The following HERC4 variants were observed in gnomAD, a reference collection of about 807,000 sequenced individuals.
HERC4 encodes the protein HECT and RLD domain containing E3 ubiquitin protein ligase 4, also known as probable E3 ubiquitin-protein ligase HERC4.
HERC4 carries 28 observed loss-of-function variants against 124.3 expected under a neutral mutation model. That is an observed-to-expected ratio of 0.23 (90% CI 0.17 to 0.31). The LOEUF is 0.31. Among genes scored for constraint, HERC4 ranks in the 10% least tolerant of loss-of-function variants. The pLI is 1.00. For synonymous variants in HERC4, 407 were observed against 421.5 expected (o/e 0.97, Z 0.42); for missense variants, 713 against 1,229.3 (o/e 0.58, Z 6.28).
At position 68,072,964 on chromosome 10, in the gene HERC4, C is replaced by G. The variant is rs142422115; in HGVS notation, c.145G>C (p.Val49Leu). ...VGCGLRHTVF[V>L]LDDGTVYTCG... ...GTGTACACTGTTCCATCATCCAGAA[C>G]AAACACAGTATGTCTGAGTCCACAT... The change falls in exon 3 of 25, where the codon GTT becomes CTT. Residue 49 changes from valine to leucine, a missense_variant. By Grantham distance (32) the Val-to-Leu change is conservative. Coordinates refer to ENST00000373700, the MANE Select transcript of HERC4 (RefSeq NM_015601.4). 6.2e-7 allele frequency: 1 copy of G among 1,614,050 alleles called. No individual in the cohort carries two copies. Among genetic ancestry groups the G allele is most frequent in the East Asian group, 2.2e-5 (1 of 44,866 alleles).
At chr10:67,993,422 G>A (rs888654324) in intron 9 of HERC4, 1 of 151,838 alleles carries the variant, frequency 6.6e-6, no homozygotes. Context: ...GGGAGAGTGA[G>A]GCAGGAGGAT....
At chr10:68,059,242 T>C (rs796884826) in intron 3 of HERC4, among the ~76,000 whole-genome samples, 11 of 151,680 alleles carry the variant, frequency 7.3e-5, no homozygotes, top group African/African-American at 2.7e-4. Flanking sequence ...CATTTGACAT[T>C]TTCATTGAGA....
intron 15 of HERC4, among the ~76,000 whole-genome samples, chr10:67,974,799 T>A (rs2035483113): frequency 6.6e-6 from 1 of 152,182 alleles, no homozygotes; most frequent in Admixed American, 6.5e-5. Flanking sequence ...TTACCCTGCC[T>A]CATTCCATGG....
At chr10:67,954,145 A>G (rs1174569062) in intron 19 of HERC4, 1 of 152,514 alleles carries the variant, frequency 6.6e-6, no homozygotes, top group African/African-American at 2.4e-5. Flanking sequence ...CTGCTATTGT[A>G]GCATGAAAGT....
chr10:68,017,958 A>C (rs1293343394), intron 8 of HERC4, among the ~76,000 whole-genome samples: 1 of 152,254 alleles, frequency 6.6e-6, no homozygotes, highest in Non-Finnish European at 1.5e-5. Flanking sequence ...GGTTTTAATG[A>C]CAAGTTGTGC....
At chr10:67,960,257 T>C (rs1295548856) in intron 16 of HERC4, among the ~76,000 whole-genome samples, 1 of 152,242 alleles carries the variant, frequency 6.6e-6, no homozygotes, top group African/African-American at 2.4e-5. Context: ...AATTCATCCA[T>C]GACTCTACAT....
chr10:68,019,401 G>C (rs1226720734), intron 8 of HERC4, among the ~76,000 whole-genome samples: 4 of 152,030 alleles, frequency 2.6e-5, no homozygotes, highest in Admixed American at 6.6e-5. Context: ...ACAGGGGCAG[G>C]CATATAGATT....
intron 6 of HERC4, 99 bp downstream of exon 6, chr10:68,033,866 G>T: frequency 1.1e-6 from 1 of 948,826 alleles, no homozygotes; most frequent in Non-Finnish European, 1.6e-6. Context: ...TCTATACCAG[G>T]GAAGATACAT....
At chr10:67,999,114 T>C (rs1467731125) in intron 9 of HERC4, among the ~76,000 whole-genome samples, 6 of 152,220 alleles carry the variant, frequency 3.9e-5, no homozygotes, top group Non-Finnish European at 8.8e-5. Flanking sequence ...TTGATATTCT[T>C]GTGTATACCT....
chr10:68,066,925 T>C (rs1243782123), intron 3 of HERC4, among the ~76,000 whole-genome samples: 7 of 152,218 alleles, frequency 4.6e-5, no homozygotes, highest in African/African-American at 1.7e-4. Context: ...AAACAATCTG[T>C]GCACTAGTAT....
chr10:67,971,973 GGA>G (rs1218347869), intron 15 of HERC4, among the ~76,000 whole-genome samples: 1 of 152,078 alleles, frequency 6.6e-6, no homozygotes, highest in East Asian at 1.9e-4. Context: ...CAGCACTTTG[GGA>G]GGCTGAGGCA....
At chr10:67,946,521 T>C (rs1045156064) in intron 19 of HERC4, among the ~76,000 whole-genome samples, 3 of 151,928 alleles carry the variant, frequency 2.0e-5, no homozygotes, top group African/African-American at 7.3e-5. Flanking sequence ...TACAAGGTAT[T>C]AGACAAAACA....
At position 68,008,271 on chromosome 10, in the gene HERC4, C is replaced by T. The variant is rs184683587; in HGVS notation, c.1069+5755G>A. On this transcript the variant is annotated intron_variant, in intron 9 of 24. Coordinates refer to ENST00000373700, the MANE Select transcript of HERC4 (RefSeq NM_015601.4). ...TCACACCTGACAGTACTGGGTCTCACCCAAAGCATGTAGAGACTAATTCCT... is the reference window on the plus strand; with the variant it reads ...TCACACCTGACAGTACTGGGTCTCATCCAAAGCATGTAGAGACTAATTCCT... 5.3e-5 allele frequency among the ~76,000 whole-genome samples: 8 copies of T among 152,312 alleles called. No homozygotes were observed. The East Asian group carries it at 1.5e-3, about 29-fold the overall frequency.
At chr10:67,956,212 CA>C (rs2034135198) in intron 17 of HERC4, 2 of 152,248 alleles carry the variant, frequency 1.3e-5, no homozygotes, top group South Asian at 4.1e-4. Context: ...CCAGAGGAAG[CA>C]GCTCAAAATC....
At chr10:68,032,757 G>T in intron 7 of HERC4, 21 bp downstream of exon 7, 1 of 1,200,552 alleles carries the variant, frequency 8.3e-7, no homozygotes. Flanking sequence ...TAATAATAAA[G>T]AAGTTTTAGA....
chr10:68,018,900 C>CTTT (rs34948748), intron 8 of HERC4, among the ~76,000 whole-genome samples: 72 of 93,128 alleles, frequency 7.7e-4, no homozygotes, highest in East Asian at 2.3e-3. Context: ...CCCCACAAGG[C>CTTT]TTTTTTTTTT....
rs577542442 is a variant in HERC4, at chr10:67,960,993, G to A, written c.1927-4017C>T. The A allele has an allele frequency of 5.0e-4, 178 of 356,332 alleles. 1 individual carries two copies. The highest frequency in any genetic ancestry group is 3.8e-3 in the African/African-American group (172 of 44,880). The allele number at this position is 356,332 out of a possible 1,614,324, so 22.1% of individuals were successfully genotyped here. On this transcript the variant is annotated intron_variant, in intron 16 of 24. Coordinates refer to ENST00000373700, the MANE Select transcript of HERC4 (RefSeq NM_015601.4). ...TTCATCACTTTCTTGCGGATTTGGC[G>A]GACCTGTTGGTGCTGAGAGTAAGAG...
chr10:67,975,901 T>C (rs1296820468), intron 15 of HERC4, among the ~76,000 whole-genome samples: 1 of 152,166 alleles, frequency 6.6e-6, no homozygotes, highest in African/African-American at 2.4e-5. Context: ...TATACTGCTA[T>C]TACTAGCTTT....
intron 9 of HERC4, among the ~76,000 whole-genome samples, chr10:68,009,545 T>C (rs185433109): frequency 1.9e-3 from 296 of 152,348 alleles, no homozygotes; most frequent in Middle Eastern, 6.8e-3. Flanking sequence ...TCTTAAACTT[T>C]TTGTTGATGG....
Sources: gnomAD v4.1 joint callset for allele counts (sites outside exome capture counted in the v4.1 genomes callset) on GRCh38, gnomAD v4.1.1 for gene constraint, MANE v1.5 for transcripts, NCBI Gene and HGNC (gene_info 2026-07-23, HGNC 2026-07-21) for gene names.